GMDS: variants seen among roughly 807,000 people sequenced by gnomAD.
GMDS encodes the protein GDP-mannose 4,6-dehydratase.
GMDS carries 20 observed loss-of-function variants against 49.9 expected under a neutral mutation model. The observed-to-expected ratio is 0.40, with a 90% CI of 0.28 to 0.58. The LOEUF (loss-of-function observed/expected upper bound fraction) is 0.58. GMDS is among the 20% of genes least tolerant of loss of function. The pLI, the probability that GMDS is intolerant of heterozygous loss-of-function variation, is 0.42. For missense variants in GMDS, 362 were observed against 481.4 expected (o/e 0.75, Z 2.32); for synonymous variants, 177 against 178.6 (o/e 0.99, Z 0.07).
chr6:1,857,004 C>T (rs947517032), intron 7 of GMDS, among the ~76,000 whole-genome samples: 10 of 152,198 alleles, frequency 6.6e-5, no homozygotes. Flanking sequence ...TCCCAGAATG[C>T]ATAGAGTTGT....
chr6:1,822,509 G>A (rs1770941979), intron 7 of GMDS, among the ~76,000 whole-genome samples: 3 of 151,980 alleles, frequency 2.0e-5, no homozygotes, highest in Non-Finnish European at 2.9e-5. Context: ...AAGGAATCGT[G>A]GAAACAATAC....
At chr6:1,847,814 C>A (rs1244214136) in intron 7 of GMDS, among the ~76,000 whole-genome samples, 2 of 152,178 alleles carry the variant, frequency 1.3e-5, no homozygotes, top group African/African-American at 2.4e-5. Context: ...TCTCTGTCAA[C>A]CAGGCTGATA....
chr6:2,159,028 T>A (rs1275656744), intron 1 of GMDS, among the ~76,000 whole-genome samples: 1 of 152,206 alleles, frequency 6.6e-6, no homozygotes, highest in African/African-American at 2.4e-5. Context: ...TAAACACAGG[T>A]ACTGAATATG....
chr6:2,174,197 CA>C (rs1463603018), intron 1 of GMDS, among the ~76,000 whole-genome samples: 2 of 152,082 alleles, frequency 1.3e-5, no homozygotes, highest in Non-Finnish European at 1.5e-5. Flanking sequence ...TCCTGAATTT[CA>C]AAAAATATAA....
At chr6:1,682,813 C>T (rs1364815793) in intron 9 of GMDS, among the ~76,000 whole-genome samples, 1 of 2,596 alleles carries the variant, frequency 3.9e-4, no homozygotes, top group East Asian at 4.3e-3. Context: ...TCGTGATCCG[C>T]CCGCCTCGGC....
chr6:2,109,163 A>C, intron 4 of GMDS, among the ~76,000 whole-genome samples: 1 of 152,198 alleles, frequency 6.6e-6, no homozygotes, highest in Non-Finnish European at 1.5e-5. Context: ...GTTAGACTGA[A>C]CTGTGAGCAG....
chr6:2,073,891 T>C (rs1772162387), intron 4 of GMDS, among the ~76,000 whole-genome samples: 1 of 152,226 alleles, frequency 6.6e-6, no homozygotes, highest in Non-Finnish European at 1.5e-5. Context: ...ATATACCACA[T>C]TTTCTTTATA....
chr6:2,121,919 C>G (rs1441325435), intron 2 of GMDS, among the ~76,000 whole-genome samples: 2 of 152,144 alleles, frequency 1.3e-5, no homozygotes, highest in Admixed American at 1.3e-4. Flanking sequence ...TCAAAATGCA[C>G]AGCTGGCCTT....
At chr6:2,044,644 C>G (rs929918028) in intron 4 of GMDS, among the ~76,000 whole-genome samples, 10 of 152,070 alleles carry the variant, frequency 6.6e-5, no homozygotes. Flanking sequence ...ATGAAATAAT[C>G]CGAACAACAA....
At chr6:1,895,520 G>A (rs9503038) in intron 7 of GMDS, among the ~76,000 whole-genome samples, 1 of 152,080 alleles carries the variant, frequency 6.6e-6, no homozygotes, top group Non-Finnish European at 1.5e-5. Context: ...CATGTGCATA[G>A]GCCACACTCA....
chr6:2,189,011 A>G (rs1330548059), intron 1 of GMDS, among the ~76,000 whole-genome samples: 1 of 152,222 alleles, frequency 6.6e-6, no homozygotes, highest in Non-Finnish European at 1.5e-5. Flanking sequence ...AGCTGAACTC[A>G]GTATCAGAAG....
chr6:1,675,196 C>T (rs1426437839), intron 9 of GMDS, among the ~76,000 whole-genome samples: 2 of 152,138 alleles, frequency 1.3e-5, no homozygotes, highest in Non-Finnish European at 2.9e-5. Flanking sequence ...CTCGGCCTCC[C>T]AAAGTGCTGA....
intron 1 of GMDS, among the ~76,000 whole-genome samples, chr6:2,233,031 C>T (rs1409060785): frequency 6.6e-6 from 1 of 152,182 alleles, no homozygotes; most frequent in Non-Finnish European, 1.5e-5. Context: ...TGGGTATGGG[C>T]TCTCCTTCCG....
At chr6:1,653,690 C>T (rs1763786287) in intron 9 of GMDS, among the ~76,000 whole-genome samples, 1 of 152,296 alleles carries the variant, frequency 6.6e-6, no homozygotes, top group South Asian at 2.1e-4. Flanking sequence ...ACCAAGACCA[C>T]ACTACGGGGA....
chr6:2,053,411 A>C (rs1770568033), intron 4 of GMDS, among the ~76,000 whole-genome samples: 1 of 152,132 alleles, frequency 6.6e-6, no homozygotes, highest in Admixed American at 6.5e-5. Context: ...CCAGAAAAAC[A>C]ACCACACAAA....
At chr6:1,938,008 T>C (rs1391342769) in intron 6 of GMDS, among the ~76,000 whole-genome samples, 1 of 151,238 alleles carries the variant, frequency 6.6e-6, no homozygotes, top group Admixed American at 6.6e-5. Context: ...CTCTACTAAT[T>C]TAAAAGAAAA....
intron 7 of GMDS, among the ~76,000 whole-genome samples, chr6:1,873,354 C>T (rs973652525): frequency 2.6e-5 from 4 of 152,176 alleles, no homozygotes. Flanking sequence ...ACATCCACAT[C>T]CTTAATTCCA....
chr6:1,851,234 T>A (rs1757653886), intron 7 of GMDS, among the ~76,000 whole-genome samples: 1 of 152,174 alleles, frequency 6.6e-6, no homozygotes, highest in South Asian at 2.1e-4. Context: ...TGTATGTTTG[T>A]CCCAAACAAC....
rs1389334159 is a variant in GMDS at position 1,888,876 on chromosome 6, A to C, written c.771+41227T>G. ...GGGACACAGGTCCCATTCAAGTCTG[A>C]AATCAGCTGGGTGGTCATTAAGCCT... is the stretch of plus-strand genomic sequence containing the variant. On this transcript the variant is annotated intron_variant, in intron 7 of 10. Transcript: ENST00000380815. 2.6e-5 allele frequency among the ~76,000 whole-genome samples: 4 copies of C among 152,292 alleles called. 1 individual carries two copies. The highest frequency in any genetic ancestry group is 2.6e-4 in the Admixed American group (4 of 15,302).
Sources: allele counts gnomAD v4.1 joint callset (sites outside exome capture counted in the v4.1 genomes callset), GRCh38; gene constraint gnomAD v4.1.1; transcripts MANE v1.5; gene names NCBI Gene and HGNC (gene_info 2026-07-23, HGNC 2026-07-21).